LHPP: variants seen among roughly 807,000 people sequenced by gnomAD.
The protein encoded by LHPP is hLHPP.
A neutral mutation model predicts 30.3 loss-of-function variants in LHPP; 24 were observed. The ratio of observed to expected loss-of-function variants is 0.79; its 90% CI spans 0.57 to 1.11. The LOEUF (loss-of-function observed/expected upper bound fraction) is 1.11. Ranked by LOEUF, LHPP falls within the 50% of genes most tolerant of loss-of-function variation. The probability of loss-of-function intolerance (pLI) is 0.00; values close to 1 mark genes in which losing one functional copy is unlikely to be tolerated. For missense variants in LHPP, 356 were observed against 367.2 expected (o/e 0.97, Z 0.25); for synonymous variants, 150 against 157.1 (o/e 0.95, Z 0.34).
chr10:124,571,134 T>C (rs151103738), intron 6 of LHPP, among the ~76,000 whole-genome samples: 1 of 152,336 alleles, frequency 6.6e-6, no homozygotes, highest in East Asian at 1.9e-4. Context: ...GCCTCCCCAG[T>C]CACGTGGAAC....
In LHPP at chr10:124,576,174, T is replaced by C. The variant is rs922883863; in HGVS notation, c.717-37090T>C. Among the ~76,000 whole-genome samples, 12 of 152,146 alleles carry C rather than the reference T, an allele frequency of 7.9e-5. No homozygotes were observed. The highest frequency in any genetic ancestry group is 1.5e-4 in the Non-Finnish European group (10 of 68,020). On this transcript the variant is annotated intron_variant, in intron 6 of 6. Coordinates refer to ENST00000368842, the MANE Select transcript of LHPP (RefSeq NM_022126.4). This position sits in a 1 kb window ranked among gnomAD's most constrained non-coding sequence, Gnocchi z 4.2. The stretch of plus-strand genomic sequence containing the variant: ...CTGAGGGTGACTTCACATGAGATTA[T>C]AATTGTACTGCCTAATAGAGTGCTC...
At chr10:124,543,500 G>T (rs536083301) in intron 6 of LHPP, among the ~76,000 whole-genome samples, 4 of 152,344 alleles carry the variant, frequency 2.6e-5, no homozygotes, top group African/African-American at 7.2e-5. Context: ...GAGCCTTGGG[G>T]CCTCAAAACA....
chr10:124,613,977 C>T lies in LHPP; in HGVS notation c.*617C>T, dbSNP rs1257138271. On this transcript the variant is annotated 3_prime_UTR_variant, in exon 7 of 7. Transcript: ENST00000368842. ...GCAGACAAAGACCAGGGGCAGCTCC[C>T]GAGGGCACTGTGAAGGCTCCCATGC... 2 of 154,818 alleles carry T rather than the reference C, an allele frequency of 1.3e-5. No homozygotes were observed. Among genetic ancestry groups the T allele is most frequent in the Non-Finnish European group, 2.9e-5 (2 of 69,814 alleles). The allele number at this position is 154,818 out of a possible 1,614,324, so 9.6% of individuals were successfully genotyped here. A position where few individuals can be genotyped will look rare whatever the true frequency, so the allele number is the denominator to read the frequency against.
rs1948537722 is a variant in LHPP, at chr10:124,568,807, C to A, written c.717-44457C>A. On this transcript the variant is annotated intron_variant, in intron 6 of 6. Transcript: ENST00000368842. ...CACCTCGCCGTTACACACGTCACTT[C>A]ATTTAATTTTTAAACAACAGTCCTG... 2.0e-5 allele frequency among the ~76,000 whole-genome samples: 3 copies of A among 152,328 alleles called. No individual in the cohort carries two copies. The South Asian group carries it at 6.2e-4, about 32-fold the overall frequency.
chr10:124,466,305 A>G (rs1025460612), intron 1 of LHPP, among the ~76,000 whole-genome samples: 3 of 152,166 alleles, frequency 2.0e-5, no homozygotes, highest in African/African-American at 7.2e-5. Flanking sequence ...GCAAGAATGT[A>G]TTTCTCCTGC....
intron 6 of LHPP, among the ~76,000 whole-genome samples, chr10:124,588,930 C>T (rs1274275913): frequency 6.6e-6 from 1 of 152,216 alleles, no homozygotes; most frequent in African/African-American, 2.4e-5. Flanking sequence ...GAAAACCAGA[C>T]GTCAGTTTCT....
intron 6 of LHPP, among the ~76,000 whole-genome samples, chr10:124,520,258 A>G (rs1322116709): frequency 6.6e-6 from 1 of 151,486 alleles, no homozygotes; most frequent in African/African-American, 2.4e-5. Flanking sequence ...CCTAGTACCC[A>G]TTAGTTATTT....
intron 6 of LHPP, among the ~76,000 whole-genome samples, chr10:124,586,565 G>T (rs1343541877): frequency 1.3e-5 from 2 of 152,212 alleles, no homozygotes; most frequent in Non-Finnish European, 2.9e-5. Context: ...CTTGGAATTT[G>T]TTTCATGAAG....
At chr10:124,537,962 T>G (rs1197033436) in intron 6 of LHPP, among the ~76,000 whole-genome samples, 1 of 152,166 alleles carries the variant, frequency 6.6e-6, no homozygotes, top group Non-Finnish European at 1.5e-5. Context: ...TTCTTGGGGG[T>G]TCGGTGGTGT....
chr10:124,528,949 A>G (rs1039565532), intron 6 of LHPP, among the ~76,000 whole-genome samples: 2 of 151,942 alleles, frequency 1.3e-5, no homozygotes, highest in African/African-American at 4.8e-5. Flanking sequence ...GGGCCACCAC[A>G]TAACACTTTT....
At chr10:124,465,266 T>C (rs1419673982) in intron 1 of LHPP, among the ~76,000 whole-genome samples, 12 of 152,010 alleles carry the variant, frequency 7.9e-5, no homozygotes, top group African/African-American at 2.4e-4. Flanking sequence ...ACTTGGCGAG[T>C]TCGAGGGCGT....
chr10:124,539,061 C>T (rs1021790283), intron 6 of LHPP, among the ~76,000 whole-genome samples: 5 of 152,110 alleles, frequency 3.3e-5, no homozygotes, highest in Non-Finnish European at 5.9e-5. Context: ...AGTGGTTATT[C>T]GGGGCCTCTT....
intron 1 of LHPP, among the ~76,000 whole-genome samples, chr10:124,476,945 C>T (rs902378558): frequency 5.9e-5 from 9 of 152,336 alleles, no homozygotes; most frequent in Admixed American, 3.9e-4. Context: ...CGGTGGCTTA[C>T]GCCTGTAATC....
At chr10:124,557,070 G>A (rs1948314455) in intron 6 of LHPP, among the ~76,000 whole-genome samples, 1 of 152,144 alleles carries the variant, frequency 6.6e-6, no homozygotes, top group African/African-American at 2.4e-5. Flanking sequence ...TCACATTTTA[G>A]TCCCAACTCC....
rs926024111 is a variant in LHPP at position 124,596,795 on chromosome 10, T to C, written c.717-16469T>C. ...TATAAGCCCTGCCCTGCCACCATGA[T>C]GGTGAATATGAGGTGTCAACCTGAT... is the stretch of plus-strand genomic sequence containing the variant. On this transcript the variant is annotated intron_variant, in intron 6 of 6. Transcript: ENST00000368842. The surrounding 1 kb of genome is among the most constrained non-coding windows in gnomAD (Gnocchi z 4.6). 4.6e-5 allele frequency among the ~76,000 whole-genome samples: 7 copies of C among 152,132 alleles called. No homozygotes were observed. Among genetic ancestry groups the C allele is most frequent in the African/African-American group, 1.4e-4 (6 of 41,440 alleles).
At chr10:124,471,970 T>A (rs1952793320) in intron 1 of LHPP, among the ~76,000 whole-genome samples, 1 of 151,700 alleles carries the variant, frequency 6.6e-6, no homozygotes, top group Non-Finnish European at 1.5e-5. Context: ...AAATTTATAA[T>A]GTTTGTTCTG....
At chr10:124,575,365 G>A (rs1475082140) in intron 6 of LHPP, among the ~76,000 whole-genome samples, 1 of 152,174 alleles carries the variant, frequency 6.6e-6, no homozygotes, top group African/African-American at 2.4e-5. Flanking sequence ...CAGGCACACT[G>A]GGGCTTAGGG....
chr10:124,469,469 G>T (rs1023187622), intron 1 of LHPP, among the ~76,000 whole-genome samples: 4 of 151,918 alleles, frequency 2.6e-5, no homozygotes, highest in Admixed American at 2.0e-4. Context: ...CGCCAGGCAG[G>T]TGCTTAACCA....
At chr10:124,603,181 C>G (rs1018791955) in intron 6 of LHPP, among the ~76,000 whole-genome samples, 3 of 152,228 alleles carry the variant, frequency 2.0e-5, no homozygotes, top group Non-Finnish European at 4.4e-5. Context: ...TCATGCCCAG[C>G]CTCTGTGGGT....
Sources: gnomAD v4.1 joint callset for allele counts (sites outside exome capture counted in the v4.1 genomes callset) on GRCh38, gnomAD v4.1.1 for gene constraint, Gnocchi (gnomAD v3.1) non-coding constraint, MANE v1.5 for transcripts, NCBI Gene and HGNC (gene_info 2026-07-23, HGNC 2026-07-21) for gene names.